Variants in ATP13A4 observed in about 807,000 individuals in gnomAD.
ATP13A4 encodes the protein ATPase 13A4.
In ATP13A4, 114 loss-of-function variants were observed where a neutral mutation model predicts 142.5. The ratio of observed to expected loss-of-function variants is 0.80; its 90% confidence interval spans 0.69 to 0.93. The LOEUF is 0.93. Among genes scored for constraint, ATP13A4 ranks in the 40% least tolerant of loss-of-function variants. ATP13A4 has a pLI of 0.00. For missense variants in ATP13A4, 1,392 were observed against 1,454.0 expected, an observed-to-expected ratio of 0.96 and a Z score of 0.69; for synonymous variants, 488 against 514.8, an observed-to-expected ratio of 0.95 and a Z score of 0.70.
intron 1 of ATP13A4, among the ~76,000 whole-genome samples, chr3:193,545,032 T>G (rs1050297978): frequency 6.6e-6 from 1 of 152,174 alleles, no homozygotes; most frequent in Non-Finnish European, 1.5e-5. Flanking sequence ...CATTTTTCAA[T>G]TCATCTCATC....
chr3:193,421,462 T>A (rs190466660), intron 25 of ATP13A4, among the ~76,000 whole-genome samples: 44 of 149,822 alleles, frequency 2.9e-4, no homozygotes, highest in African/African-American at 1.1e-3. Context: ...TAAAAACATA[T>A]GAAAGTATAA....
rs1271295849 is a variant in ATP13A4, at chr3:193,514,697, C to A, written c.234+1G>T. Reference sequence around the variant, plus strand: ...AGCGACATAACCAGGTACACACTTACCGTTGTCCTCAGCAACACAGTGTCT... The same window carrying A: ...AGCGACATAACCAGGTACACACTTAACGTTGTCCTCAGCAACACAGTGTCT... On this transcript the variant is annotated splice_donor_variant, in intron 2 of 29. Coordinates refer to ENST00000342695, the MANE Select transcript of ATP13A4 (RefSeq NM_032279.4). LOFTEE classifies it high-confidence loss of function. 1.9e-6 allele frequency: 3 copies of A among 1,614,096 alleles called. No homozygotes were observed. Among genetic ancestry groups the A allele is most frequent in the Non-Finnish European group, 2.5e-6 (3 of 1,180,002 alleles).
chr3:193,436,125 T>C (rs1486865320), intron 23 of ATP13A4, among the ~76,000 whole-genome samples: 1 of 152,232 alleles, frequency 6.6e-6, no homozygotes, highest in Non-Finnish European at 1.5e-5. Context: ...TCTTCATCTG[T>C]GAACTAATGG....
At chr3:193,437,172 T>C (rs1202813724) in intron 23 of ATP13A4, among the ~76,000 whole-genome samples, 1 of 151,500 alleles carries the variant, frequency 6.6e-6, no homozygotes, top group African/African-American at 2.4e-5. Flanking sequence ...TGCCGTGACA[T>C]TTCCTCTGCC....
chr3:193,448,256 G>A lies in ATP13A4; in HGVS notation c.2102C>T (p.Pro701Leu). The A allele has an allele frequency of 6.2e-7, 1 of 1,614,144 alleles. No individual in the cohort carries two copies. The highest frequency in any genetic ancestry group is 8.5e-7 in the Non-Finnish European group (1 of 1,180,012). Residue 701 changes from proline to leucine, a missense_variant, in exon 18 of 30, where the codon CCT (proline) becomes CTT (leucine). Transcript: ENST00000342695. ...LENRLKEETKPVLEELISARI... is the reference protein window; with the variant it reads ...LENRLKEETKLVLEELISARI... ...GGCTGAGATGAGCTCTTCCAAGACA[G>A]GTTTTGTCTCTTCCTTCAATCGATT...
chr3:193,432,192 G>T (rs960017848), intron 25 of ATP13A4, among the ~76,000 whole-genome samples: 1 of 152,032 alleles, frequency 6.6e-6, no homozygotes, highest in African/African-American at 2.4e-5. Context: ...GAGGAAGTAG[G>T]AGTAAAAGCA....
intron 12 of ATP13A4, among the ~76,000 whole-genome samples, chr3:193,464,165 T>C (rs1389297099): frequency 6.6e-6 from 1 of 152,196 alleles, no homozygotes; most frequent in Non-Finnish European, 1.5e-5. Context: ...GCTTAAAATA[T>C]ATGTAAACAA....
At chr3:193,416,104 T>G (rs1602186) in intron 25 of ATP13A4, among the ~76,000 whole-genome samples, 40,037 of 152,040 alleles carry the variant, frequency 0.26, 5,422 homozygotes, top group East Asian at 0.32. Flanking sequence ...CAAATCTCTA[T>G]CAAAACATTA....
In ATP13A4 at chr3:193,541,248, C is replaced by CAAAAAAAAAAAAAAAAAAAAA. The variant is rs71179308; in HGVS notation, c.60+13471_60+13491dup. 1.9e-4 allele frequency among the ~76,000 whole-genome samples: 10 copies of CAAAAAAAAAAAAAAAAAAAAA among 51,282 alleles called. 1 individual carries two copies. The highest frequency in any genetic ancestry group is 1.6e-4 in the Non-Finnish European group (4 of 24,884). The allele number at this position is 51,282 out of a possible 152,430, so 33.6% of individuals were successfully genotyped here. ...TGGGCGACAGAGCGAGACTCCTTCTCAAAAAAAAAAAAAAAAAAAAAATCA... is the reference window on the plus strand; with the variant it reads ...TGGGCGACAGAGCGAGACTCCTTCTCAAAAAAAAAAAAAAAAAAAAAAAAAAAAAAAAAAAAAAAAAAATCA... On this transcript the variant is annotated intron_variant, in intron 1 of 29. Coordinates refer to ENST00000342695, the MANE Select transcript of ATP13A4 (RefSeq NM_032279.4).
At chr3:193,571,009 A>G (rs190416613) in intron 2 of ATP13A4, among the ~76,000 whole-genome samples, 4 of 152,218 alleles carry the variant, frequency 2.6e-5, no homozygotes, top group Non-Finnish European at 4.4e-5. Context: ...CAGGTGTGGT[A>G]GCTCATGCCT....
chr3:193,466,229 C>A (rs1466195559), intron 10 of ATP13A4, 47 bp from the exon 11 acceptor site: 1 of 1,609,714 alleles, frequency 6.2e-7, no homozygotes, highest in Admixed American at 1.7e-5. Context: ...ACCAACGCTA[C>A]TGCTAGCTCT....
chr3:193,414,132 G>A lies in ATP13A4; in HGVS notation c.3014+447C>T, dbSNP rs1041537973. ...ATTAGAACCTATGTTGAAATATTGG[G>A]GGCAGGTTCCCCCGATAAACAACAA... is the stretch of plus-strand genomic sequence containing the variant. On this transcript the variant is annotated intron_variant, in intron 26 of 29. Coordinates refer to ENST00000342695, the MANE Select transcript of ATP13A4 (RefSeq NM_032279.4). Among the ~76,000 whole-genome samples the A allele has an allele frequency of 2.0e-5, 3 of 152,094 alleles. 1 individual carries two copies. The highest frequency in any genetic ancestry group is 7.2e-5 in the African/African-American group (3 of 41,402).
chr3:193,448,495 C>T (rs1274932918), intron 17 of ATP13A4, among the ~76,000 whole-genome samples, 165 bp from the exon 18 acceptor site: 1 of 152,100 alleles, frequency 6.6e-6, no homozygotes, highest in Non-Finnish European at 1.5e-5. Context: ...ACCACCACGC[C>T]CGGCTAATTT....
At chr3:193,484,628 T>C (rs1237462685) in intron 7 of ATP13A4, among the ~76,000 whole-genome samples, 1 of 152,202 alleles carries the variant, frequency 6.6e-6, no homozygotes, top group East Asian at 1.9e-4. Flanking sequence ...GCGAATCTGA[T>C]AAATATGTTC....
intron 1 of ATP13A4, among the ~76,000 whole-genome samples, chr3:193,592,312 G>C (rs1416317975): frequency 6.6e-6 from 1 of 152,152 alleles, no homozygotes. Flanking sequence ...GAAGGGGAAA[G>C]GAGTATTTAA....
rs564976049 is a variant in ATP13A4 at position 193,400,729 on chromosome 3, A to G, written c.*1923T>C. 1.3e-5 allele frequency among the ~76,000 whole-genome samples: 2 copies of G among 152,178 alleles called. No homozygotes were observed. Among genetic ancestry groups the G allele is most frequent in the East Asian group, 3.9e-4 (2 of 5,166 alleles). On this transcript the variant is annotated 3_prime_UTR_variant, in exon 30 of 30. Transcript: ENST00000342695. ...AGTCATGGGACAATTGGTACCATTC[A>G]GGTGAGTTAGTGGAGGTGAATGCAC...
intron 1 of ATP13A4, among the ~76,000 whole-genome samples, chr3:193,522,614 G>A (rs978491915): frequency 1.3e-5 from 2 of 152,156 alleles, no homozygotes; most frequent in Non-Finnish European, 2.9e-5. Context: ...TGATATTCTC[G>A]TTTGGCAGGT....
Position 193,403,727 on chromosome 3 carries a change from G to C in ATP13A4, c.3379-863C>G, listed in dbSNP as rs1423644077. The C allele has an allele frequency of 1.8e-5, 18 of 972,996 alleles. No homozygotes were observed. The South Asian group carries it at 4.8e-4, about 26-fold the overall frequency. 60.3% of individuals were successfully genotyped at this position (972,996 alleles called of 1,614,324 possible). ...CCAAGTTATAACTTATAATTCATGA[G>C]AGGTTATCATATTAATTTTCCACTT... On this transcript the variant is annotated intron_variant, in intron 29 of 29. Transcript: ENST00000342695.
chr3:193,502,444 A>G lies in ATP13A4; in HGVS notation c.381+49T>C, dbSNP rs142899726. On this transcript the variant is annotated intron_variant, in intron 3 of 29. Transcript: ENST00000342695. Reference sequence around the variant, plus strand: ...TACATTTAACTATATACTTGAGGGGAAAAAGATTAAATCTCTCTGACATCA... The same window carrying G: ...TACATTTAACTATATACTTGAGGGGGAAAAGATTAAATCTCTCTGACATCA... The G allele has an allele frequency of 6.4e-4, 1,014 of 1,592,258 alleles. 8 individuals carry two copies. The African/African-American group carries it at 0.011, about 17-fold the overall frequency.
Sources: gnomAD v4.1 joint callset for allele counts (sites outside exome capture counted in the v4.1 genomes callset) on GRCh38, gnomAD v4.1.1 for gene constraint, MANE v1.5 for transcripts, NCBI Gene and HGNC (gene_info 2026-07-23, HGNC 2026-07-21) for gene names.